Variants in NUDT19 observed in about 807,000 individuals in gnomAD.
NUDT19 encodes the protein acyl-coenzyme A diphosphatase NUDT19.
In NUDT19, 31 loss-of-function variants were observed where a neutral mutation model predicts 22.2. That is an observed-to-expected ratio of 1.40 (90% CI 1.05 to 1.89). The LOEUF is 1.89. NUDT19 is among the 40% of genes most tolerant of loss of function. The probability of loss-of-function intolerance (pLI) is 0.00; values close to 1 mark genes in which losing one functional copy is unlikely to be tolerated. For synonymous variants in NUDT19, 325 were observed against 230.8 expected, an observed-to-expected ratio of 1.41 and a Z score of -3.70; for missense variants, 752 against 514.2, an observed-to-expected ratio of 1.46 and a Z score of -4.47.
intron 1 of NUDT19, among the ~76,000 whole-genome samples, chr19:32,700,045 A>G (rs1040962703): frequency 6.6e-6 from 1 of 152,242 alleles, no homozygotes; most frequent in African/African-American, 2.4e-5. Flanking sequence ...GTTACAGCTC[A>G]TAAAGGTAGT....
chr19:32,697,094 T>C (rs1200675843), intron 1 of NUDT19, among the ~76,000 whole-genome samples: 1 of 152,184 alleles, frequency 6.6e-6, no homozygotes, highest in Non-Finnish European at 1.5e-5. Context: ...ACCACACTGA[T>C]AACAAGCCCT....
intron 1 of NUDT19, among the ~76,000 whole-genome samples, chr19:32,703,828 A>G (rs937787200): frequency 1.3e-5 from 2 of 150,320 alleles, no homozygotes; most frequent in Admixed American, 6.7e-5. Context: ...ATGCCCAGCT[A>G]CTTTTTGTAC....
chr19:32,693,123 C>T (rs1417228902), intron 1 of NUDT19, among the ~76,000 whole-genome samples: 5 of 152,178 alleles, frequency 3.3e-5, no homozygotes, highest in African/African-American at 1.2e-4. Context: ...AGAATTGGTT[C>T]CTTCCAGTGG....
intron 1 of NUDT19, among the ~76,000 whole-genome samples, chr19:32,701,199 GTTTTTTTTTTTT>G (rs3042685): frequency 2.0e-5 from 2 of 101,032 alleles, no homozygotes; most frequent in African/African-American, 7.9e-5. Flanking sequence ...CATCTTGCAG[GTTTTTTTTTTTT>G]TTTTTTTTTT....
intron 1 of NUDT19, among the ~76,000 whole-genome samples, chr19:32,697,649 A>G (rs1056121825): frequency 1.3e-5 from 2 of 152,098 alleles, no homozygotes; most frequent in African/African-American, 2.4e-5. Flanking sequence ...CCTTTCTTCA[A>G]CTGTCATTCT....
At chr19:32,698,778 G>A (rs1397613373) in intron 1 of NUDT19, among the ~76,000 whole-genome samples, 1 of 152,168 alleles carries the variant, frequency 6.6e-6, no homozygotes, top group African/African-American at 2.4e-5. Context: ...TGTCCTCCTA[G>A]ACCTCAAAGA....
At chr19:32,695,499 T>G (rs550828867) in intron 1 of NUDT19, among the ~76,000 whole-genome samples, 1 of 152,326 alleles carries the variant, frequency 6.6e-6, no homozygotes, top group African/African-American at 2.4e-5. Flanking sequence ...TTTAAAGGAA[T>G]AGGGTGCACT....
intron 1 of NUDT19, 68 bp from the exon 2 acceptor site, chr19:32,709,117 C>A: frequency 1.9e-6 from 2 of 1,046,108 alleles, no homozygotes; most frequent in Non-Finnish European, 3.0e-6. Context: ...AGGTACTGGT[C>A]TGACTGTCTC....
chr19:32,702,918 C>T (rs1170262797), intron 1 of NUDT19, among the ~76,000 whole-genome samples: 2 of 152,120 alleles, frequency 1.3e-5, no homozygotes, highest in African/African-American at 4.8e-5. Flanking sequence ...TATTTGTTCC[C>T]TCCTGTCCTT....
intron 1 of NUDT19, among the ~76,000 whole-genome samples, chr19:32,696,607 A>G (rs1275905600): frequency 1.3e-5 from 2 of 152,226 alleles, no homozygotes; most frequent in Non-Finnish European, 2.9e-5. Flanking sequence ...ATATTCATGT[A>G]GATAATAGCT....
chr19:32,693,083 C>A (rs1045779779), intron 1 of NUDT19, among the ~76,000 whole-genome samples: 12 of 152,190 alleles, frequency 7.9e-5, no homozygotes, highest in Admixed American at 5.2e-4. Flanking sequence ...TGTTGCACAC[C>A]CAGGCTCGTC....
At chr19:32,699,560 C>G (rs935310905) in intron 1 of NUDT19, among the ~76,000 whole-genome samples, 1 of 152,142 alleles carries the variant, frequency 6.6e-6, no homozygotes, top group South Asian at 2.1e-4. Context: ...GCCTGACACC[C>G]GTGTCTTTAG....
chr19:32,691,974 T>A lies in NUDT19; in HGVS notation c.14T>A (p.Leu5Gln). 1 of 1,231,384 alleles carries A rather than the reference T, an allele frequency of 8.1e-7. No individual in the cohort carries two copies. Among genetic ancestry groups the A allele is most frequent in the Non-Finnish European group, 1.0e-6 (1 of 989,216 alleles). 76.3% of individuals were successfully genotyped at this position (1,231,384 alleles called of 1,614,324 possible). MSSS[L>Q]RPGPSRWRRA... ...AAGCTGCGCGCCATGAGCAGCTCCC[T>A]GCGGCCGGGCCCCAGCCGCTGGCGG... Residue 5 changes from leucine to glutamine, a missense_variant, in exon 1 of 3, where the codon CTG (leucine) becomes CAG (glutamine). By Grantham distance (113) the Leu-to-Gln change is moderately radical. Coordinates refer to ENST00000397061, the MANE Select transcript of NUDT19 (RefSeq NM_001105570.2).
chr19:32,702,711 GTTA>G (rs1440759862), intron 1 of NUDT19, among the ~76,000 whole-genome samples: 1 of 152,126 alleles, frequency 6.6e-6, no homozygotes, highest in East Asian at 1.9e-4. Context: ...ATTTAAATTT[GTTA>G]TTGTCAATAA....
Position 32,712,958 on chromosome 19 carries a change from C to G in NUDT19, c.*1001C>G, listed in dbSNP as rs1180937053. The G allele has an allele frequency of 6.6e-6, 1 of 152,184 alleles. No individual in the cohort carries two copies. Among genetic ancestry groups the G allele is most frequent in the Non-Finnish European group, 1.5e-5 (1 of 68,036 alleles). The allele number at this position is 152,184 out of a possible 1,614,324, so 9.4% of individuals were successfully genotyped here. On this transcript the variant is annotated 3_prime_UTR_variant, in exon 3 of 3. Transcript: ENST00000397061. ...GAGGTTGATCAATGAATTTCTGAGA[C>G]TTTCTGCTGGAATTACTTTAAGGGT... is the stretch of plus-strand genomic sequence containing the variant.
chr19:32,706,689 GATAATA>G (rs764061177), intron 1 of NUDT19, among the ~76,000 whole-genome samples: 1 of 152,036 alleles, frequency 6.6e-6, no homozygotes, highest in Non-Finnish European at 1.5e-5. Context: ...ATCTCAAAAT[GATAATA>G]ATAATAAGTT....
At chr19:32,711,012 A>G (rs946644083) in intron 2 of NUDT19, among the ~76,000 whole-genome samples, 1 of 152,210 alleles carries the variant, frequency 6.6e-6, no homozygotes, top group Non-Finnish European at 1.5e-5. Context: ...TCAAAAGTAT[A>G]TGAATATCAA....
intron 1 of NUDT19, among the ~76,000 whole-genome samples, chr19:32,702,688 A>G (rs1968348388): frequency 6.6e-6 from 1 of 152,188 alleles, no homozygotes; most frequent in Non-Finnish European, 1.5e-5. Context: ...TTTGCTTTTT[A>G]GTTGGAGTGT....
chr19:32,709,758 C>T (rs1338941780), intron 2 of NUDT19, among the ~76,000 whole-genome samples: 2 of 150,814 alleles, frequency 1.3e-5, no homozygotes, highest in African/African-American at 2.4e-5. Flanking sequence ...TCAAGCAATT[C>T]TCTGCCTCAG....
Sources: gnomAD v4.1 joint callset for allele counts (sites outside exome capture counted in the v4.1 genomes callset) on GRCh38, gnomAD v4.1.1 for gene constraint, MANE v1.5 for transcripts, NCBI Gene and HGNC (gene_info 2026-07-23, HGNC 2026-07-21) for gene names.